Variants in EPS15L1 observed in about 807,000 individuals in gnomAD.
The protein encoded by EPS15L1 is epidermal growth factor receptor substrate 15-like 1.
EPS15L1 carries 43 observed loss-of-function variants against 117.1 expected under a neutral mutation model. The ratio of observed to expected loss-of-function variants is 0.37; its 90% CI spans 0.29 to 0.47. The LOEUF (loss-of-function observed/expected upper bound fraction) is 0.47. EPS15L1 is among the 20% of genes least tolerant of loss of function. The pLI is 0.99. For synonymous variants in EPS15L1, 459 were observed against 470.5 expected (o/e 0.98, Z 0.32); for missense variants, 981 against 1,164.0 (o/e 0.84, Z 2.29).
In EPS15L1 at chr19:16,355,820, G is replaced by A. The variant is rs2091972455; in HGVS notation, c.2618C>T (p.Ala873Val). ...TTCCGCCTTCTCGCTCTCCCGCTTG[G>A]CCCACGCCAGCTGCTGCTCCTCATT... Reference protein sequence around the residue: ...FGNEEQQLAWAKRESEKAEQE... With the variant: ...FGNEEQQLAWVKRESEKAEQE... The change falls in exon 24 of 24, where the codon GCC becomes GTC. Residue 873 changes from alanine (A) to valine (V), a missense_variant. By Grantham distance (64) the Ala-to-Val change is moderately conservative (BLOSUM62 0). Transcript: ENST00000455140. The A allele has an allele frequency of 2.0e-6, 3 of 1,536,124 alleles. No individual in the cohort carries two copies. The highest frequency in any genetic ancestry group is 1.7e-6 in the Non-Finnish European group (2 of 1,146,848).
Position 16,366,697 on chromosome 19 carries a change from A to C in EPS15L1, c.2381-4713T>G, listed in dbSNP as rs549216881. Among the ~76,000 whole-genome samples, 55 of 152,240 alleles carry C rather than the reference A, an allele frequency of 3.6e-4. No homozygotes were observed. In the South Asian group the frequency reaches 3.9e-3, roughly 11 times the overall value. Reference sequence around the variant, plus strand: ...AGTGTTTGTGCTTTGGTAAGAGAGGAGATTTTGGACCTGACACGTGTGAGG... The same window carrying C: ...AGTGTTTGTGCTTTGGTAAGAGAGGCGATTTTGGACCTGACACGTGTGAGG... On this transcript the variant is annotated intron_variant, in intron 22 of 23. Coordinates refer to ENST00000455140, the MANE Select transcript of EPS15L1 (RefSeq NM_001258374.3).
intron 1 of EPS15L1, among the ~76,000 whole-genome samples, chr19:16,470,361 T>A (rs2093337867): frequency 6.6e-6 from 1 of 151,424 alleles, no homozygotes; most frequent in Non-Finnish European, 1.5e-5. Context: ...CACTCCACCC[T>A]GGGTGACAGA....
chr19:16,421,663 G>A (rs886902366), intron 9 of EPS15L1, among the ~76,000 whole-genome samples, 187 bp from the exon 10 acceptor site: 5 of 152,154 alleles, frequency 3.3e-5, no homozygotes, highest in African/African-American at 4.8e-5. Flanking sequence ...GCTGAGACAG[G>A]TTGAGGCTGG....
intron 15 of EPS15L1, among the ~76,000 whole-genome samples, chr19:16,403,229 C>T (rs1383787981): frequency 6.6e-6 from 1 of 151,920 alleles, no homozygotes; most frequent in Non-Finnish European, 1.5e-5. Context: ...GAGAAGCCAG[C>T]GCCCCCCCCT....
intron 1 of EPS15L1, among the ~76,000 whole-genome samples, chr19:16,468,877 A>G (rs564411533): frequency 3.9e-5 from 6 of 152,286 alleles, no homozygotes; most frequent in African/African-American, 1.4e-4. Flanking sequence ...TTAGCTGGGT[A>G]TGATTGGTGC....
At chr19:16,385,827 T>C (rs537898843) in intron 20 of EPS15L1, among the ~76,000 whole-genome samples, 1 of 152,346 alleles carries the variant, frequency 6.6e-6, no homozygotes, top group African/African-American at 2.4e-5. Flanking sequence ...CATAGGCCAG[T>C]ACCTGGGGTC....
intron 1 of EPS15L1, among the ~76,000 whole-genome samples, chr19:16,470,107 C>T (rs949142516): frequency 4.6e-5 from 7 of 152,142 alleles, no homozygotes; most frequent in Admixed American, 4.6e-4. Context: ...CCTGGCCAGG[C>T]GCAGTGGCTA....
intron 19 of EPS15L1, among the ~76,000 whole-genome samples, chr19:16,391,596 C>A (rs2092475239): frequency 6.7e-6 from 1 of 150,274 alleles, no homozygotes. Flanking sequence ...CCATCATGAA[C>A]ATCCTCTGCT....
At chr19:16,446,099 C>T (rs911420318) in intron 1 of EPS15L1, among the ~76,000 whole-genome samples, 4 of 152,190 alleles carry the variant, frequency 2.6e-5, no homozygotes, top group African/African-American at 7.2e-5. Flanking sequence ...GAGAGAGGGG[C>T]ACAAGGAGAA....
At chr19:16,458,672 CCA>C (rs1337021655) in intron 1 of EPS15L1, among the ~76,000 whole-genome samples, 1 of 151,942 alleles carries the variant, frequency 6.6e-6, no homozygotes, top group Non-Finnish European at 1.5e-5. Context: ...TGATTTCACT[CCA>C]CACACACACT....
Position 16,400,324 on chromosome 19 carries a change from G to A in EPS15L1, c.1791+1997C>T, listed in dbSNP as rs891943719. 5.0e-5 allele frequency among the ~76,000 whole-genome samples: 7 copies of A among 141,110 alleles called. No homozygotes were observed. The South Asian group carries it at 6.7e-4, about 13-fold the overall frequency. The allele number at this position is 141,110 out of a possible 152,430, so 92.6% of individuals were successfully genotyped here. A position where few individuals can be genotyped will look rare whatever the true frequency, so the allele number is the denominator to read the frequency against. On this transcript the variant is annotated intron_variant, in intron 16 of 23. Coordinates refer to ENST00000455140, the MANE Select transcript of EPS15L1 (RefSeq NM_001258374.3). The stretch of plus-strand genomic sequence containing the variant: ...TGCACTCCAGTCTGGGAGACAGAGC[G>A]AGACTCCGTCTCAAAAAAAAAAAAA...
At chr19:16,359,786 CAGGAGG>C (rs2144622404) in intron 23 of EPS15L1, among the ~76,000 whole-genome samples, 1 of 152,040 alleles carries the variant, frequency 6.6e-6, no homozygotes, top group East Asian at 1.9e-4. Flanking sequence ...TGCTTGAGCC[CAGGAGG>C]TCAAGGCTGC....
At chr19:16,433,123 T>TTTTTG (rs1568447405) in intron 7 of EPS15L1, among the ~76,000 whole-genome samples, 1 of 148,464 alleles carries the variant, frequency 6.7e-6, no homozygotes, top group Non-Finnish European at 1.5e-5. Flanking sequence ...ATTGAGGGTT[T>TTTTTG]TTTTTGTTTT....
At chr19:16,402,603 G>GC in intron 15 of EPS15L1, 118 bp from the exon 16 acceptor site, 1 of 985,358 alleles carries the variant, frequency 1.0e-6, no homozygotes, top group South Asian at 1.7e-5. Context: ...ATGTAGTGGA[G>GC]TGATCATAGC....
intron 4 of EPS15L1, among the ~76,000 whole-genome samples, chr19:16,439,099 C>A (rs1195255462): frequency 6.7e-6 from 1 of 150,306 alleles, no homozygotes; most frequent in Non-Finnish European, 1.5e-5. Flanking sequence ...TATTAACTGG[C>A]CTAAGAACAT....
intron 18 of EPS15L1, among the ~76,000 whole-genome samples, chr19:16,392,666 G>A (rs984840699): frequency 7.2e-5 from 11 of 152,162 alleles, no homozygotes; most frequent in Admixed American, 3.3e-4. Flanking sequence ...GCACACAACC[G>A]TGCATATTTA....
At chr19:16,387,800 A>C (rs1483021139) in intron 19 of EPS15L1, among the ~76,000 whole-genome samples, 2 of 152,218 alleles carry the variant, frequency 1.3e-5, no homozygotes, top group African/African-American at 2.4e-5. Context: ...TCATTAGGTT[A>C]GCTAAATAAC....
At chr19:16,387,895 AAAAT>A (rs751485911) in intron 19 of EPS15L1, among the ~76,000 whole-genome samples, 39 of 152,344 alleles carry the variant, frequency 2.6e-4, no homozygotes, top group African/African-American at 9.1e-4. Context: ...AAAAGAATGA[AAAAT>A]AAATAAATAA....
In EPS15L1 at chr19:16,425,387, G is replaced by A. The variant is rs1568441039; in HGVS notation, c.559-71C>T. 1.9e-5 allele frequency: 21 copies of A among 1,112,530 alleles called. No homozygotes were observed. The East Asian group carries it at 5.1e-4, about 27-fold the overall frequency. The allele number at this position is 1,112,530 out of a possible 1,614,324, so 68.9% of individuals were successfully genotyped here. A position where few individuals can be genotyped will look rare whatever the true frequency, so the allele number is the denominator to read the frequency against. On this transcript the variant is annotated intron_variant, in intron 8 of 23. Transcript: ENST00000455140. ...CGGGACCATCAGGAGAAGGCAGAGG[G>A]CAGCCCTTTGGGGGCTGCAGTGACA...
Sources: gnomAD v4.1 joint callset for allele counts (sites outside exome capture counted in the v4.1 genomes callset) on GRCh38, gnomAD v4.1.1 for gene constraint, MANE v1.5 for transcripts, NCBI Gene and HGNC (gene_info 2026-07-23, HGNC 2026-07-21) for gene names.